EPCAM: variants seen among roughly 807,000 people sequenced by gnomAD.
The protein encoded by EPCAM is epithelial cell adhesion molecule, also known as adenocarcinoma-associated antigen.
Under a neutral mutation model 40.0 loss-of-function variants are expected in EPCAM, and 39 were observed. The observed-to-expected ratio is 0.98, with a 90% CI of 0.76 to 1.27. The LOEUF is 1.27. Ranked by LOEUF, EPCAM falls within the 50% of genes most tolerant of loss-of-function variation. The pLI, the probability that EPCAM is intolerant of heterozygous loss-of-function variation, is 0.00. For synonymous variants in EPCAM, 168 were observed against 132.3 expected, an observed-to-expected ratio of 1.27 and a Z score of -1.85; for missense variants, 503 against 381.2, an observed-to-expected ratio of 1.32 and a Z score of -2.66.
At chr2:47,383,299 C>A (rs1462596924) in intron 7 of EPCAM, 1 of 126,424 alleles carries the variant, frequency 7.9e-6, no homozygotes, top group Non-Finnish European at 1.5e-5. Context: ...GAGCGAGACT[C>A]CATCTGAAAA....
At position 47,375,624 on chromosome 2, in the gene EPCAM, CT is replaced by C. The variant is rs143228992; in HGVS notation, c.491+326del. Reference sequence around the variant, plus strand: ...TTGTAGACATCAGGCCCCTTTACCCCTAAGTACTTCAGTGTATGTTTTCCTA... The same window carrying C: ...TTGTAGACATCAGGCCCCTTTACCCCAAGTACTTCAGTGTATGTTTTCCTA... On this transcript the variant is annotated intron_variant, in intron 4 of 8. Transcript: ENST00000263735. Among the ~76,000 whole-genome samples, 8 of 152,264 alleles carry C rather than the reference CT, an allele frequency of 5.3e-5. No individual in the cohort carries two copies. In the East Asian group the frequency reaches 1.5e-3, roughly 29 times the overall value.
intron 4 of EPCAM, among the ~76,000 whole-genome samples, chr2:47,376,418 G>C (rs1189905094): frequency 6.6e-6 from 1 of 151,864 alleles, no homozygotes; most frequent in Non-Finnish European, 1.5e-5. Flanking sequence ...CACCATGCCT[G>C]GCTAATTTTT....
At chr2:47,382,931 G>C (rs116802763) in intron 7 of EPCAM, among the ~76,000 whole-genome samples, 2,666 of 151,914 alleles carry the variant, frequency 0.018, 68 homozygotes, top group African/African-American at 0.061. Flanking sequence ...GTTTATATAT[G>C]ATATTTGTAT....
intron 7 of EPCAM, among the ~76,000 whole-genome samples, chr2:47,384,762 A>G (rs1443231410): frequency 3.9e-5 from 6 of 152,144 alleles, no homozygotes; most frequent in Non-Finnish European, 5.9e-5. Flanking sequence ...GCTGGAGAGC[A>G]GTGATGCCAT....
Position 47,375,230 on chromosome 2 carries a change from A to G in EPCAM, c.426-4A>G. The G allele has an allele frequency of 6.3e-7, 1 of 1,599,622 alleles. No homozygotes were observed. Among genetic ancestry groups the G allele is most frequent in the East Asian group, 2.2e-5 (1 of 44,748 alleles). On this transcript the variant is annotated splice_region_variant and splice_polypyrimidine_tract_variant and intron_variant, in intron 3 of 8. Coordinates refer to ENST00000263735, the MANE Select transcript of EPCAM (RefSeq NM_002354.3). ...TCAACTGACATTGTCTTTTTACTTTATAGCTGGATCATCATTGAACTAAAA... is the reference window on the plus strand; with the variant it reads ...TCAACTGACATTGTCTTTTTACTTTGTAGCTGGATCATCATTGAACTAAAA...
At chr2:47,379,087 G>A (rs761920582) in intron 6 of EPCAM, 33 bp downstream of exon 6, 1 of 1,114,588 alleles carries the variant, frequency 9.0e-7, no homozygotes, top group Non-Finnish European at 1.4e-6. Context: ...CTGTGTTCAG[G>A]AATGTAGTCT....
intron 7 of EPCAM, chr2:47,383,477 T>C (rs958446090): frequency 6.6e-6 from 1 of 151,688 alleles, no homozygotes; most frequent in African/African-American, 2.4e-5. Flanking sequence ...CTAATTTTTG[T>C]ATTTTTTGGT....
chr2:47,372,539 C>G (rs546921832), intron 1 of EPCAM, among the ~76,000 whole-genome samples: 2 of 151,590 alleles, frequency 1.3e-5, no homozygotes, highest in African/African-American at 4.8e-5. Context: ...TTTGGTAGGC[C>G]GAGGCGGACG....
chr2:47,370,464 A>T (rs1671229698), intron 1 of EPCAM, among the ~76,000 whole-genome samples: 1 of 151,666 alleles, frequency 6.6e-6, no homozygotes, highest in South Asian at 2.1e-4. Flanking sequence ...GTTAGTAGAG[A>T]CGGGGTTTCT....
At chr2:47,386,520 A>G (rs1671745870) in intron 8 of EPCAM, 52 bp from the exon 9 acceptor site, 2 of 1,396,822 alleles carry the variant, frequency 1.4e-6, no homozygotes, top group Admixed American at 3.5e-5. Flanking sequence ...CAGAATGAAC[A>G]AAAGATTGAA....
intron 1 of EPCAM, among the ~76,000 whole-genome samples, chr2:47,371,137 A>C (rs1243025760): frequency 2.0e-5 from 3 of 150,420 alleles, no homozygotes; most frequent in African/African-American, 7.4e-5. Context: ...GCATCACCAC[A>C]CCCGGCCTTA....
intron 7 of EPCAM, 73 bp from the exon 8 acceptor site, chr2:47,385,093 G>A (rs1366784916): frequency 1.8e-6 from 2 of 1,092,636 alleles, no homozygotes; most frequent in Non-Finnish European, 2.8e-6. Flanking sequence ...TCCATTAAAA[G>A]CATATATGTC....
rs760631443 is a variant in EPCAM at position 47,386,640 on chromosome 2, A to G, written c.*27A>G. ...TATATAATTTGAAGATTATAGAAGA[A>G]GGGAAATAGCAAATGGACACAAATT... On this transcript the variant is annotated 3_prime_UTR_variant, in exon 9 of 9. Transcript: ENST00000263735. 6.4e-7 allele frequency: 1 copy of G among 1,551,466 alleles called. No homozygotes were observed. Among genetic ancestry groups the G allele is most frequent in the Non-Finnish European group, 8.9e-7 (1 of 1,123,984 alleles).
chr2:47,373,700 C>T lies in EPCAM; in HGVS notation c.185-108C>T, dbSNP rs2103746515. On this transcript the variant is annotated intron_variant, in intron 2 of 8. Coordinates refer to ENST00000263735, the MANE Select transcript of EPCAM (RefSeq NM_002354.3). ...ATGTTACAAAGTAAGTGTGGGAACA[C>T]ATAAATTTCAAATAATCTTTGACCC... 3.3e-6 allele frequency: 5 copies of T among 1,511,984 alleles called. No individual in the cohort carries two copies. In the East Asian group the frequency reaches 9.2e-5, roughly 28 times the overall value. 93.7% of individuals were successfully genotyped at this position (1,511,984 alleles called of 1,614,324 possible).
At chr2:47,370,054 G>C (rs930799755) in intron 1 of EPCAM, among the ~76,000 whole-genome samples, 3 of 152,230 alleles carry the variant, frequency 2.0e-5, no homozygotes, top group Non-Finnish European at 4.4e-5. Context: ...ACAGGCGCCC[G>C]CAGGGAGGCC....
intron 8 of EPCAM, among the ~76,000 whole-genome samples, chr2:47,386,155 C>T (rs919973011): frequency 6.6e-6 from 1 of 152,152 alleles, no homozygotes; most frequent in Admixed American, 6.6e-5. Flanking sequence ...TGGTAGTTGT[C>T]ATTATCATTG....
intron 7 of EPCAM, among the ~76,000 whole-genome samples, chr2:47,382,336 A>G (rs1438508769): frequency 6.6e-6 from 1 of 152,208 alleles, no homozygotes; most frequent in Non-Finnish European, 1.5e-5. Context: ...GTAGAAATAA[A>G]TGAAAACACA....
At position 47,378,964 on chromosome 2, in the gene EPCAM, T is replaced by C; in HGVS notation, c.567T>C (p.Asn189=). 1 of 1,512,670 alleles carries C rather than the reference T, an allele frequency of 6.6e-7. No homozygotes were observed. The highest frequency in any genetic ancestry group is 9.2e-7 in the Non-Finnish European group (1 of 1,088,028). 93.7% of individuals were successfully genotyped at this position (1,512,670 alleles called of 1,614,324 possible). The stretch of plus-strand genomic sequence containing the variant: ...ATTTTTTTCCCCAGTATGAGAATAA[T>C]GTTATCACTATTGATCTGGTTCAAA... The part of the protein sequence containing the change: ...KFITSILYEN[N]VITIDLVQNS... Residue 189 remains asparagine, a synonymous_variant, in exon 6 of 9, where the codon AAT becomes AAC. Transcript: ENST00000263735.
chr2:47,373,205 TAAAAAAAAAAAA>T (rs777057814), intron 1 of EPCAM, among the ~76,000 whole-genome samples: 2,170 of 65,130 alleles, frequency 0.033, 41 homozygotes, highest in African/African-American at 0.052. Flanking sequence ...ACCCTATCTT[TAAAAAAAAAAAA>T]AAAAAAAAAA....
Sources: allele counts gnomAD v4.1 joint callset (sites outside exome capture counted in the v4.1 genomes callset), GRCh38; gene constraint gnomAD v4.1.1; transcripts MANE v1.5; gene names NCBI Gene and HGNC (gene_info 2026-07-23, HGNC 2026-07-21).